Variants in MYT1L observed in about 807,000 individuals in gnomAD.
The protein encoded by MYT1L is myelin transcription factor 1 like, also known as myelin transcription factor 1-like protein.
Under a neutral mutation model 126.7 loss-of-function variants are expected in MYT1L, and 12 were observed. The ratio of observed to expected loss-of-function variants is 0.09; its 90% CI spans 0.06 to 0.15. The LOEUF (loss-of-function observed/expected upper bound fraction) is 0.15, where lower values mean the gene tolerates loss of function less well. Among genes scored for constraint, MYT1L ranks in the 10% least tolerant of loss-of-function variants. The pLI is 1.00. For synonymous variants in MYT1L, 541 were observed against 604.2 expected, an observed-to-expected ratio of 0.90 and a Z score of 1.53; for missense variants, 979 against 1,585.2, an observed-to-expected ratio of 0.62 and a Z score of 6.49.
At chr2:2,181,247 T>A (rs937980114) in intron 2 of MYT1L, among the ~76,000 whole-genome samples, 3 of 152,064 alleles carry the variant, frequency 2.0e-5, no homozygotes, top group African/African-American at 4.8e-5. Context: ...TATATCTGTG[T>A]GTGCACATGT....
intron 4 of MYT1L, among the ~76,000 whole-genome samples, chr2:2,010,314 G>T (rs1322463871): frequency 6.6e-6 from 1 of 152,086 alleles, no homozygotes; most frequent in African/African-American, 2.4e-5. Context: ...AGAATGGGAA[G>T]CCAAATGTTT....
chr2:1,884,266 G>T (rs1460548474), intron 18 of MYT1L, among the ~76,000 whole-genome samples: 1 of 152,222 alleles, frequency 6.6e-6, no homozygotes, highest in Non-Finnish European at 1.5e-5. Flanking sequence ...ACAGTGAATG[G>T]CTTAATATCA....
intron 11 of MYT1L, among the ~76,000 whole-genome samples, chr2:1,915,945 T>C (rs969582446): frequency 6.6e-6 from 1 of 152,168 alleles, no homozygotes; most frequent in African/African-American, 2.4e-5. Context: ...AACTTGTGTT[T>C]GCTGGGTGTG....
Position 1,887,594 on chromosome 2 carries a change from G to C in MYT1L, c.2536C>G (p.Pro846Ala). The change falls in exon 17 of 25, where the codon CCA (proline) becomes GCA (alanine). Residue 846 changes from proline to alanine, a missense_variant. Pro to Ala is a conservative substitution (Grantham distance 27). Coordinates refer to ENST00000647738, the MANE Select transcript of MYT1L (RefSeq NM_001303052.2). The surrounding 1 kb of genome is among the most constrained non-coding windows in gnomAD (Gnocchi z 4.8). ...SKDITPEDLD[P>A]FQEALEERRY... Reference sequence around the variant, plus strand: ...CTTTCTTCTAGAGCCTCCTGGAATGGGTCCAAGTCTTCTGGCTGTGGGCAA... The same window carrying C: ...CTTTCTTCTAGAGCCTCCTGGAATGCGTCCAAGTCTTCTGGCTGTGGGCAA... The C allele has an allele frequency of 6.2e-7, 1 of 1,613,948 alleles. No individual in the cohort carries two copies. The highest frequency in any genetic ancestry group is 8.5e-7 in the Non-Finnish European group (1 of 1,179,884).
chr2:2,065,823 TAC>T (rs71824780), intron 3 of MYT1L, among the ~76,000 whole-genome samples: 27,527 of 144,442 alleles, frequency 0.19, 2,534 homozygotes, highest in African/African-American at 0.23. Flanking sequence ...CTCTCTTTTA[TAC>T]ACACACACAC....
At chr2:1,958,036 T>C (rs2058652366) in intron 8 of MYT1L, among the ~76,000 whole-genome samples, 1 of 152,164 alleles carries the variant, frequency 6.6e-6, no homozygotes, top group Non-Finnish European at 1.5e-5. Context: ...CCTTGCCCAG[T>C]GGAAAATGCA....
At chr2:1,932,317 C>T (rs1019587560) in intron 9 of MYT1L, among the ~76,000 whole-genome samples, 5 of 152,194 alleles carry the variant, frequency 3.3e-5, no homozygotes, top group African/African-American at 1.2e-4. Flanking sequence ...AAACTGAAAA[C>T]TGCAAAGTCT....
chr2:1,883,757 C>T (rs2047859775), intron 18 of MYT1L: 1 of 152,184 alleles, frequency 6.6e-6, no homozygotes, highest in East Asian at 1.9e-4. Context: ...CTCCGTCTGC[C>T]TCCTCGAAGT....
chr2:2,285,986 T>C (rs978437143), intron 1 of MYT1L, among the ~76,000 whole-genome samples: 1 of 141,522 alleles, frequency 7.1e-6, no homozygotes, highest in Non-Finnish European at 1.6e-5. Flanking sequence ...CTTCTTCTTC[T>C]TCCTTTTTTT....
intron 2 of MYT1L, among the ~76,000 whole-genome samples, chr2:2,255,745 T>A (rs1167028520): frequency 6.6e-6 from 1 of 152,142 alleles, no homozygotes; most frequent in African/African-American, 2.4e-5. Flanking sequence ...ATCACACCCA[T>A]GACCATATTA....
chr2:2,044,451 C>A (rs986922531), intron 4 of MYT1L, among the ~76,000 whole-genome samples: 1 of 152,152 alleles, frequency 6.6e-6, no homozygotes, highest in African/African-American at 2.4e-5. Flanking sequence ...GCAACAGACA[C>A]CCAGAAGTTC....
chr2:2,297,730 C>T (rs970551952), intron 1 of MYT1L, among the ~76,000 whole-genome samples: 1 of 152,122 alleles, frequency 6.6e-6, no homozygotes, highest in African/African-American at 2.4e-5. Context: ...TGAAGCATTG[C>T]CCTCCTCCTT....
intron 2 of MYT1L, among the ~76,000 whole-genome samples, chr2:2,222,728 TGAG>T (rs1344704568): frequency 6.6e-6 from 1 of 152,090 alleles, no homozygotes; most frequent in Non-Finnish European, 1.5e-5. Context: ...CTTGCCTTCT[TGAG>T]GAGAAGGAAT....
rs149736318 is a variant in MYT1L at position 2,315,593 on chromosome 2, T to C, written c.-521+15374A>G. Among the ~76,000 whole-genome samples the C allele has an allele frequency of 2.8e-4, 42 of 152,348 alleles. No individual in the cohort carries two copies. The East Asian group carries it at 6.9e-3, about 25-fold the overall frequency. Reference sequence around the variant, plus strand: ...ACTAAGTATTAGCCATTGTTATTATTGTTTTCAGGGTGCCTTCCTGATAGT... The same window carrying C: ...ACTAAGTATTAGCCATTGTTATTATCGTTTTCAGGGTGCCTTCCTGATAGT... On this transcript the variant is annotated intron_variant, in intron 1 of 24. Coordinates refer to ENST00000647738, the MANE Select transcript of MYT1L (RefSeq NM_001303052.2).
intron 1 of MYT1L, among the ~76,000 whole-genome samples, chr2:2,320,446 T>G: frequency 6.6e-6 from 1 of 151,282 alleles, no homozygotes; most frequent in Non-Finnish European, 1.5e-5. Context: ...AGGCATAAAA[T>G]TTTATTTCTG....
chr2:2,250,478 A>G (rs1476316605), intron 2 of MYT1L, among the ~76,000 whole-genome samples: 1 of 151,992 alleles, frequency 6.6e-6, no homozygotes, highest in East Asian at 1.9e-4. Context: ...GAACTCATGA[A>G]GATAGAAAAT....
chr2:2,206,256 G>A (rs531189157), intron 2 of MYT1L, among the ~76,000 whole-genome samples: 2 of 152,098 alleles, frequency 1.3e-5, no homozygotes, highest in Non-Finnish European at 2.9e-5. Flanking sequence ...GGGATTATAG[G>A]CACGAGCCAC....
intron 1 of MYT1L, among the ~76,000 whole-genome samples, chr2:2,330,646 G>A (rs940231214): frequency 6.6e-5 from 10 of 152,176 alleles, no homozygotes; most frequent in Non-Finnish European, 1.5e-4. Context: ...ATCCAGTAAA[G>A]TCTCTGGGAA....
At chr2:2,088,519 G>C (rs1344588004) in intron 3 of MYT1L, among the ~76,000 whole-genome samples, 1 of 152,114 alleles carries the variant, frequency 6.6e-6, no homozygotes, top group Admixed American at 6.5e-5. Context: ...GCCCTGAAGT[G>C]AGACAATCCC....
Sources: allele counts gnomAD v4.1 joint callset (sites outside exome capture counted in the v4.1 genomes callset), GRCh38; gene constraint gnomAD v4.1.1; non-coding constraint Gnocchi (gnomAD v3.1); transcripts MANE v1.5; gene names NCBI Gene and HGNC (gene_info 2026-07-23, HGNC 2026-07-21).